Variants in SPNS2 observed in about 807,000 individuals in gnomAD.
SPNS2 encodes the protein SPNS lysolipid transporter 2, sphingosine-1-phosphate, also known as sphingosine-1-phosphate transporter SPNS2.
Under a neutral mutation model 57.6 loss-of-function variants are expected in SPNS2, and 37 were observed. The ratio of observed to expected loss-of-function variants is 0.64; its 90% CI spans 0.49 to 0.85. SPNS2 has a LOEUF of 0.85. Among genes scored for constraint, SPNS2 ranks in the 40% least tolerant of loss-of-function variants. SPNS2 has a pLI of 0.00. For synonymous variants in SPNS2, 440 were observed against 346.9 expected (o/e 1.27, Z -2.98); for missense variants, 831 against 779.1 (o/e 1.07, Z -0.79).
intron 1 of SPNS2, among the ~76,000 whole-genome samples, chr17:4,506,507 C>G (rs1226201973): frequency 6.6e-6 from 1 of 152,136 alleles, no homozygotes; most frequent in Non-Finnish European, 1.5e-5. Context: ...GCAAAGCCCC[C>G]AGATTGCTCA....
In SPNS2 at chr17:4,538,793, C is replaced by T. The variant is rs62064958; in HGVS notation, c.*1345C>T. The T allele has an allele frequency of 2.7e-5, 20 of 754,348 alleles. No homozygotes were observed. Among genetic ancestry groups the T allele is most frequent in the Middle Eastern group, 2.7e-4 (1 of 3,642 alleles). 46.7% of individuals were successfully genotyped at this position (754,348 alleles called of 1,614,324 possible). A position where few individuals can be genotyped will look rare whatever the true frequency, so the allele number is the denominator to read the frequency against. On this transcript the variant is annotated 3_prime_UTR_variant, in exon 13 of 13. Coordinates refer to ENST00000329078, the MANE Select transcript of SPNS2 (RefSeq NM_001124758.3). ...GCTCTGGGGTACCCCGAGGGCCTGACAAGAGGATGGGGTGGGGGTGGCATC... is the reference window on the plus strand; with the variant it reads ...GCTCTGGGGTACCCCGAGGGCCTGATAAGAGGATGGGGTGGGGGTGGCATC...
chr17:4,530,348 C>T (rs952182166), intron 3 of SPNS2, among the ~76,000 whole-genome samples: 2 of 152,174 alleles, frequency 1.3e-5, no homozygotes, highest in Non-Finnish European at 2.9e-5. Context: ...CCTATGAGGA[C>T]AGAGGGGGCC....
chr17:4,516,893 C>T (rs1159432171), intron 2 of SPNS2, among the ~76,000 whole-genome samples: 3 of 152,136 alleles, frequency 2.0e-5, no homozygotes, highest in Non-Finnish European at 2.9e-5. Flanking sequence ...TAAACGTCTT[C>T]GAAGCTTGTT....
At chr17:4,502,085 AG>A (rs1260180082) in intron 1 of SPNS2, among the ~76,000 whole-genome samples, 4 of 152,200 alleles carry the variant, frequency 2.6e-5, no homozygotes, top group South Asian at 2.1e-4. Flanking sequence ...TCAATATAAA[AG>A]TTGTTAGGGC....
Position 4,499,131 on chromosome 17 carries a change from G to GCGCC in SPNS2, c.84_85insCGCC (p.Gly29ArgfsTer10). The GCGCC allele has an allele frequency of 8.7e-7, 1 of 1,151,534 alleles. No homozygotes were observed. Among genetic ancestry groups the GCGCC allele is most frequent in the Non-Finnish European group, 1.1e-6 (1 of 935,856 alleles). 71.3% of individuals were successfully genotyped at this position (1,151,534 alleles called of 1,614,324 possible). On this transcript the variant is annotated frameshift_variant, in exon 1 of 13. Coordinates refer to ENST00000329078, the MANE Select transcript of SPNS2 (RefSeq NM_001124758.3). LOFTEE classifies it high-confidence loss of function. The surrounding 1 kb of genome is among the most constrained non-coding windows in gnomAD (Gnocchi z 5.2). ...ACGCGGAGCGGCGGCGCCGGCGCCG[G>GCGCC]GGGGCGCAGCGAGGGGCTGGCGGTA...
At chr17:4,523,539 A>G (rs1371448363) in intron 2 of SPNS2, among the ~76,000 whole-genome samples, 1 of 152,166 alleles carries the variant, frequency 6.6e-6, no homozygotes, top group Non-Finnish European at 1.5e-5. Context: ...AGGCCGAGGC[A>G]GGTGGATCAC....
intron 2 of SPNS2, among the ~76,000 whole-genome samples, chr17:4,516,905 C>T (rs535865302): frequency 5.3e-5 from 8 of 152,252 alleles, no homozygotes; most frequent in South Asian, 4.1e-4. Flanking sequence ...AAGCTTGTTA[C>T]GGTATTTTCA....
Position 4,538,721 on chromosome 17 carries a change from G to C in SPNS2, c.*1273G>C. On this transcript the variant is annotated 3_prime_UTR_variant, in exon 13 of 13. Transcript: ENST00000329078. ...CTTCTTGCCCCTTAGTTACTGGCTG[G>C]CTGTGGCTTCAGTGGTGTGTAAGCA... 1.5e-6 allele frequency: 1 copy of C among 647,180 alleles called. No homozygotes were observed. Among genetic ancestry groups the C allele is most frequent in the South Asian group, 1.7e-5 (1 of 59,206 alleles). 40.1% of individuals were successfully genotyped at this position (647,180 alleles called of 1,614,324 possible).
intron 5 of SPNS2, among the ~76,000 whole-genome samples, chr17:4,531,764 G>C (rs754103932): frequency 3.6e-4 from 54 of 152,012 alleles, no homozygotes; most frequent in South Asian, 6.2e-4. Flanking sequence ...CCGGGGGCAT[G>C]GGGGAGAGTG....
chr17:4,538,518 C>A lies in SPNS2; in HGVS notation c.*1070C>A. On this transcript the variant is annotated 3_prime_UTR_variant, in exon 13 of 13. Coordinates refer to ENST00000329078, the MANE Select transcript of SPNS2 (RefSeq NM_001124758.3). ...ACCCACCTCCCATCCATGCACACAC[C>A]AGGATGCAGCTGCCAACTTCACACC... The A allele has an allele frequency of 3.2e-6, 1 of 309,824 alleles. No homozygotes were observed. The highest frequency in any genetic ancestry group is 6.1e-6 in the Non-Finnish European group (1 of 162,910). The allele number at this position is 309,824 out of a possible 1,614,324, so 19.2% of individuals were successfully genotyped here.
intron 5 of SPNS2, among the ~76,000 whole-genome samples, chr17:4,531,791 A>C (rs990690986): frequency 6.6e-6 from 1 of 151,734 alleles, no homozygotes; most frequent in African/African-American, 2.4e-5. Context: ...GGGGCTGGTG[A>C]GATGGAATCC....
In SPNS2 at chr17:4,503,795, C is replaced by T. The variant is rs749738; in HGVS notation, c.370+4378C>T. ...AGGCAGAGCCTTGCCCTGGGGGAGT[C>T]CTTTTCTGCCAAAGAAGCTGAGACT... On this transcript the variant is annotated intron_variant, in intron 1 of 12. Transcript: ENST00000329078. 3.3e-3 allele frequency among the ~76,000 whole-genome samples: 496 copies of T among 152,276 alleles called. 2 individuals are homozygous for T. Among genetic ancestry groups the T allele is most frequent in the African/African-American group, 0.011 (476 of 41,564 alleles).
At position 4,533,140 on chromosome 17, in the gene SPNS2, G is replaced by T; in HGVS notation, c.1088+11G>T. ...TGGGGCCAAGGACAGGTGGGGCCCC[G>T]CGGGGTGGGCCCAGGGCTGGTGAGG... On this transcript the variant is annotated intron_variant, in intron 7 of 12. Transcript: ENST00000329078. The T allele has an allele frequency of 6.2e-7, 1 of 1,601,722 alleles. No homozygotes were observed. The highest frequency in any genetic ancestry group is 1.7e-5 in the Admixed American group (1 of 58,646).
chr17:4,536,279 G>T lies in SPNS2; in HGVS notation c.1460G>T (p.Arg487Leu). The change falls in exon 11 of 13, where the codon CGC becomes CTC. Residue 487 changes from arginine to leucine, a missense_variant. Arg to Leu is a moderately radical substitution (Grantham distance 102). Around this residue, in one of 2 missense-constraint regions of SPNS2, gnomAD observed 526 missense variants for 400.9 expected, o/e 1.31. Transcript: ENST00000329078. ...YLIGFISDLI[R>L]QSTKDSPLWE... is the part of the protein sequence containing the mutation. ...TCCTCGCAGATCTCAGACCTGATCC[G>T]CCAGAGCACTAAGGACTCCCCGCTC... The T allele has an allele frequency of 6.2e-7, 1 of 1,612,324 alleles. No individual in the cohort carries two copies. Among genetic ancestry groups the T allele is most frequent in the South Asian group, 1.1e-5 (1 of 91,076 alleles).
chr17:4,514,182 C>A (rs138467816), intron 2 of SPNS2, among the ~76,000 whole-genome samples: 2 of 152,224 alleles, frequency 1.3e-5, no homozygotes, highest in African/African-American at 2.4e-5. Context: ...GGGCTTGGGG[C>A]GGGAGGCCTG....
chr17:4,499,721 G>GTCTC lies in SPNS2; in HGVS notation c.370+305_370+308dup. 1 of 268,734 alleles carries GTCTC rather than the reference G, an allele frequency of 3.7e-6. No individual in the cohort carries two copies. The allele number at this position is 268,734 out of a possible 1,614,324, so 16.6% of individuals were successfully genotyped here. Reference sequence around the variant, plus strand: ...CCATCCGTTGTCCTCCTCTCCAAGAGTCTCCTCTGCGTCTCTCTGTCTCCT... The same window carrying GTCTC: ...CCATCCGTTGTCCTCCTCTCCAAGAGTCTCTCTCCTCTGCGTCTCTCTGTCTCCT... On this transcript the variant is annotated intron_variant, in intron 1 of 12. Coordinates refer to ENST00000329078, the MANE Select transcript of SPNS2 (RefSeq NM_001124758.3). This position sits in a 1 kb window ranked among gnomAD's most constrained non-coding sequence, Gnocchi z 5.2.
chr17:4,505,172 C>T (rs948945160), intron 1 of SPNS2, among the ~76,000 whole-genome samples: 7 of 152,188 alleles, frequency 4.6e-5, no homozygotes, highest in African/African-American at 1.7e-4. Context: ...GTCACCATCC[C>T]CCTCTAGCCA....
chr17:4,517,719 C>T (rs1905031966), intron 2 of SPNS2, among the ~76,000 whole-genome samples: 1 of 151,796 alleles, frequency 6.6e-6, no homozygotes, highest in South Asian at 2.1e-4. Flanking sequence ...GTCAGCTGAC[C>T]CTGAAGATGG....
intron 2 of SPNS2, among the ~76,000 whole-genome samples, chr17:4,519,931 G>A (rs1289066004): frequency 6.6e-6 from 1 of 152,188 alleles, no homozygotes; most frequent in African/African-American, 2.4e-5. Context: ...CCCCTCCATG[G>A]CCTGTGACCT....
Sources: allele counts gnomAD v4.1 joint callset (sites outside exome capture counted in the v4.1 genomes callset), GRCh38; gene constraint gnomAD v4.1.1; regional missense constraint gnomAD v4.1.1; non-coding constraint Gnocchi (gnomAD v3.1); transcripts MANE v1.5; gene names NCBI Gene and HGNC (gene_info 2026-07-23, HGNC 2026-07-21).